VEGFC: variants seen among roughly 807,000 people sequenced by gnomAD.
VEGFC encodes FLT4 ligand DHM.
In VEGFC, 12 loss-of-function variants were observed where a neutral mutation model predicts 46.1. The observed-to-expected ratio is 0.26, with a 90% CI of 0.17 to 0.42. The LOEUF (loss-of-function observed/expected upper bound fraction) is 0.42. Among genes scored for constraint, VEGFC ranks in the 10% least tolerant of loss-of-function variants. The pLI, the probability that VEGFC is intolerant of heterozygous loss-of-function variation, is 1.00. For synonymous variants in VEGFC, 232 were observed against 195.5 expected, an observed-to-expected ratio of 1.19 and a Z score of -1.56; for missense variants, 488 against 529.4, an observed-to-expected ratio of 0.92 and a Z score of 0.77.
chr4:176,723,598 G>C lies in VEGFC; in HGVS notation c.552+4180C>G, dbSNP rs553575788. Among the ~76,000 whole-genome samples the C allele has an allele frequency of 4.7e-4, 67 of 141,270 alleles. 3 individuals carry two copies. In the South Asian group the frequency reaches 8.6e-3, roughly 18 times the overall value. The allele number at this position is 141,270 out of a possible 152,430, so 92.7% of individuals were successfully genotyped here. A position where few individuals can be genotyped will look rare whatever the true frequency, so the allele number is the denominator to read the frequency against. On this transcript the variant is annotated intron_variant, in intron 3 of 6. Coordinates refer to ENST00000618562, the MANE Select transcript of VEGFC (RefSeq NM_005429.5). ...GGTCCATGTGCAGGTTTGTGACATA[G>C]GTAAACTTTTATTTTAGGTTTGGGG...
rs149565148 is a variant in VEGFC at position 176,788,054 on chromosome 4, C to T, written c.147+4111G>A. On this transcript the variant is annotated intron_variant, in intron 1 of 6. Transcript: ENST00000618562. ...TGCTCAGAAGTCAGAGGAAGTATAA[C>T]GCTTCTGCCAACTTAAATTTGTTCT... Among the ~76,000 whole-genome samples, 21 of 152,278 alleles carry T rather than the reference C, an allele frequency of 1.4e-4. No homozygotes were observed. In the East Asian group the frequency reaches 1.5e-3, roughly 11 times the overall value.
At chr4:176,685,501 T>G (rs1374891270) in intron 6 of VEGFC, among the ~76,000 whole-genome samples, 1 of 152,160 alleles carries the variant, frequency 6.6e-6, no homozygotes, top group Non-Finnish European at 1.5e-5. Flanking sequence ...AGAGTCTTTT[T>G]GAAAGAATGT....
intron 3 of VEGFC, among the ~76,000 whole-genome samples, chr4:176,720,617 T>A (rs1734769798): frequency 6.6e-6 from 1 of 151,880 alleles, no homozygotes; most frequent in Non-Finnish European, 1.5e-5. Flanking sequence ...GGTGGGAGGA[T>A]CACCTGAGGT....
rs774936952 is a variant in VEGFC at position 176,792,323 on chromosome 4, C to CGGG, written c.-15_-13dup. ...CCCAGCAAGTGCATGGTGGAAGGAC[C>CGGG]GGGGGTGGGGGACCGGTCCGCTGGC... On this transcript the variant is annotated 5_prime_UTR_variant, in exon 1 of 7. Transcript: ENST00000618562. This position sits in a 1 kb window ranked among gnomAD's most constrained non-coding sequence, Gnocchi z 6.3. 4.4e-6 allele frequency: 5 copies of CGGG among 1,149,150 alleles called. No homozygotes were observed. Among genetic ancestry groups the CGGG allele is most frequent in the Non-Finnish European group, 5.7e-6 (5 of 869,844 alleles). 71.2% of individuals were successfully genotyped at this position (1,149,150 alleles called of 1,614,324 possible).
At chr4:176,727,239 TATTCAAAAC>T (rs1263391691) in intron 3 of VEGFC, among the ~76,000 whole-genome samples, 12 of 152,328 alleles carry the variant, frequency 7.9e-5, no homozygotes, top group African/African-American at 2.4e-4. Context: ...CTTCCCAGTT[TATTCAAAAC>T]ATCTGAGATT....
chr4:176,774,879 C>T (rs1194607647), intron 1 of VEGFC, among the ~76,000 whole-genome samples: 1 of 147,748 alleles, frequency 6.8e-6, no homozygotes, highest in Non-Finnish European at 1.5e-5. Flanking sequence ...GCACTTGAAA[C>T]ATCTTGATTT....
chr4:176,784,276 C>T (rs1050600013), intron 1 of VEGFC, among the ~76,000 whole-genome samples: 3 of 151,690 alleles, frequency 2.0e-5, no homozygotes, highest in Non-Finnish European at 4.4e-5. Context: ...CCCCATGTTG[C>T]TCAGGCTGGT....
chr4:176,685,627 CAAT>C (rs1467588362), intron 6 of VEGFC, among the ~76,000 whole-genome samples: 1 of 151,704 alleles, frequency 6.6e-6, no homozygotes, highest in Non-Finnish European at 1.5e-5. Context: ...TAAATTCACT[CAAT>C]AAGAATTCAA....
At chr4:176,688,607 TTCCTTCCCTTCCCCTCCTTTCC>T (rs1734090449) in intron 4 of VEGFC, among the ~76,000 whole-genome samples, 1 of 144,572 alleles carries the variant, frequency 6.9e-6, no homozygotes, top group Non-Finnish European at 1.5e-5. Flanking sequence ...CCCTCCTTTC[TTCCTTCCCTTCCCCTCCTTTCC>T]CCTTTCTTCC....
At chr4:176,703,295 T>C (rs1356490627) in intron 4 of VEGFC, among the ~76,000 whole-genome samples, 1 of 152,048 alleles carries the variant, frequency 6.6e-6, no homozygotes, top group East Asian at 1.9e-4. Flanking sequence ...TATTTAGCCA[T>C]AAAAAGAATG....
At chr4:176,762,094 T>C (rs1359483460) in intron 1 of VEGFC, among the ~76,000 whole-genome samples, 1 of 152,226 alleles carries the variant, frequency 6.6e-6, no homozygotes, top group Non-Finnish European at 1.5e-5. Flanking sequence ...TGGTAGCTGA[T>C]GTCAGATGTA....
At chr4:176,689,625 C>T (rs1734112311) in intron 4 of VEGFC, 1 of 152,128 alleles carries the variant, frequency 6.6e-6, no homozygotes, top group African/African-American at 2.4e-5. Flanking sequence ...TTTCTTTGTC[C>T]CTTCTTGAGT....
Position 176,792,183 on chromosome 4 carries a change from G to A in VEGFC, c.129C>T (p.Pro43=). The A allele has an allele frequency of 6.6e-7, 1 of 1,521,678 alleles. No homozygotes were observed. Among genetic ancestry groups the A allele is most frequent in the Non-Finnish European group, 8.8e-7 (1 of 1,138,918 alleles). The allele number at this position is 1,521,678 out of a possible 1,614,324, so 94.3% of individuals were successfully genotyped here. Residue 43 remains proline, a synonymous_variant, in exon 1 of 7, where the codon CCC becomes CCT. Transcript: ENST00000618562. The surrounding 1 kb of genome is among the most constrained non-coding windows in gnomAD (Gnocchi z 6.3). The part of the protein sequence containing the change: ...ESGLDLSDAE[P]DAGEATAYAS... ...GACCTACCGTGGCCTCGCCCGCGTC[G>A]GGCTCCGCGTCCGAGAGGTCGAGTC...
In VEGFC at chr4:176,687,364, A is replaced by G. The variant is rs1734061835; in HGVS notation, c.968T>C (p.Leu323Pro). The G allele has an allele frequency of 6.2e-7, 1 of 1,613,890 alleles. No homozygotes were observed. Among genetic ancestry groups the G allele is most frequent in the African/African-American group, 1.3e-5 (1 of 74,874 alleles). The change falls in exon 6 of 7, where the codon CTC becomes CCC. Residue 323 changes from leucine to proline, a missense_variant. Leu to Pro is a moderately conservative substitution (Grantham distance 98). Transcript: ENST00000618562. ...GTTGGCCCCACATTGGCTGGGGAAGAGTTTGTTTTTACAGACACACTGGCA... is the reference window on the plus strand; with the variant it reads ...GTTGGCCCCACATTGGCTGGGGAAGGGTTTGTTTTTACAGACACACTGGCA... ...NSCQCVCKNKLFPSQCGANRE... is the reference protein window; with the variant it reads ...NSCQCVCKNKPFPSQCGANRE...
At chr4:176,722,660 G>A (rs138299360) in intron 3 of VEGFC, among the ~76,000 whole-genome samples, 1 of 151,936 alleles carries the variant, frequency 6.6e-6, no homozygotes, top group Non-Finnish European at 1.5e-5. Flanking sequence ...CACCATGCCT[G>A]GCTAATTTTT....
chr4:176,726,051 T>C (rs1283206806), intron 3 of VEGFC, among the ~76,000 whole-genome samples: 4 of 152,130 alleles, frequency 2.6e-5, no homozygotes, highest in Non-Finnish European at 5.9e-5. Flanking sequence ...GAATAGTAAG[T>C]ACAAAACTAT....
chr4:176,721,040 G>C (rs551860958), intron 3 of VEGFC, among the ~76,000 whole-genome samples: 92 of 152,180 alleles, frequency 6.0e-4, no homozygotes, highest in South Asian at 1.2e-3. Flanking sequence ...ATCATGTGTA[G>C]GGAGATGTTT....
chr4:176,744,980 T>C (rs545343956), intron 1 of VEGFC, among the ~76,000 whole-genome samples: 1 of 152,226 alleles, frequency 6.6e-6, no homozygotes, highest in Admixed American at 6.5e-5. Flanking sequence ...CCTTGATAAC[T>C]GGGTCCCAGC....
At chr4:176,703,948 T>C (rs1215470344) in intron 4 of VEGFC, among the ~76,000 whole-genome samples, 1 of 152,256 alleles carries the variant, frequency 6.6e-6, no homozygotes, top group East Asian at 1.9e-4. Context: ...TTGCTTTCTC[T>C]CCCCCTTTCT....
Sources: gnomAD v4.1 joint callset for allele counts (sites outside exome capture counted in the v4.1 genomes callset) on GRCh38, gnomAD v4.1.1 for gene constraint, Gnocchi (gnomAD v3.1) non-coding constraint, MANE v1.5 for transcripts, NCBI Gene and HGNC (gene_info 2026-07-23, HGNC 2026-07-21) for gene names.